HSDL2: variants seen among roughly 807,000 people sequenced by gnomAD.
HSDL2 encodes hydroxysteroid dehydrogenase like 2, also known as hydroxysteroid dehydrogenase-like protein 2.
In HSDL2, 27 loss-of-function variants were observed where a neutral mutation model predicts 46.3. That is an observed-to-expected ratio of 0.58 (90% CI 0.43 to 0.80). The LOEUF (loss-of-function observed/expected upper bound fraction) is 0.80. HSDL2 is among the 30% of genes least tolerant of loss of function. The probability of loss-of-function intolerance (pLI) is 0.00; values close to 1 mark genes in which losing one functional copy is unlikely to be tolerated. For missense variants in HSDL2, 451 were observed against 502.7 expected (o/e 0.90, Z 0.98); for synonymous variants, 153 against 163.6 (o/e 0.94, Z 0.50).
At chr9:112,414,169 A>T (rs1355563607) in intron 4 of HSDL2, 2 of 153,668 alleles carry the variant, frequency 1.3e-5, no homozygotes, top group Admixed American at 6.5e-5. Flanking sequence ...TGATTTCTTT[A>T]TCATGGCTAG....
intron 10 of HSDL2, among the ~76,000 whole-genome samples, chr9:112,461,227 G>T (rs1467455221): frequency 6.6e-6 from 1 of 151,860 alleles, no homozygotes. Flanking sequence ...ACAGGTGCCC[G>T]CCACCATGCC....
chr9:112,413,623 ATTGT>A (rs1831928456), intron 4 of HSDL2, among the ~76,000 whole-genome samples: 1 of 151,776 alleles, frequency 6.6e-6, no homozygotes, highest in Non-Finnish European at 1.5e-5. Flanking sequence ...CCAGTATTAC[ATTGT>A]TTGTATCATG....
chr9:112,442,649 G>T (rs955048552), intron 8 of HSDL2, among the ~76,000 whole-genome samples: 15 of 152,214 alleles, frequency 9.9e-5, no homozygotes, highest in Middle Eastern at 3.4e-3. Flanking sequence ...GAATACCTGT[G>T]GGAAGAATTT....
intron 1 of HSDL2, among the ~76,000 whole-genome samples, chr9:112,394,181 TG>T (rs1831409016): frequency 1.3e-5 from 2 of 152,014 alleles, no homozygotes; most frequent in African/African-American, 4.8e-5. Context: ...GGGGTGGTAG[TG>T]GGGACAACAG....
intron 4 of HSDL2, among the ~76,000 whole-genome samples, chr9:112,415,654 G>A (rs939271272): frequency 1.3e-5 from 2 of 152,162 alleles, no homozygotes; most frequent in African/African-American, 2.4e-5. Flanking sequence ...CCTCAGTTGG[G>A]CTTAAGGCTA....
intron 1 of HSDL2, among the ~76,000 whole-genome samples, chr9:112,399,068 A>AAAAG (rs60489761): frequency 0.48 from 72,168 of 151,596 alleles, 17,535 homozygotes; most frequent in Admixed American, 0.55. Flanking sequence ...GCACTTAGGA[A>AAAAG]AAAGCCACTT....
At chr9:112,464,502 A>AAATT (rs1214264619) in intron 10 of HSDL2, among the ~76,000 whole-genome samples, 1 of 152,146 alleles carries the variant, frequency 6.6e-6, no homozygotes, top group Admixed American at 6.5e-5. Context: ...TTGTGAAATG[A>AAATT]AATTATTGTC....
intron 5 of HSDL2, 140 bp downstream of exon 5, chr9:112,417,084 G>A: frequency 4.5e-6 from 2 of 446,024 alleles, no homozygotes; most frequent in Middle Eastern, 3.6e-4. Context: ...AGTGGCATTT[G>A]GAAAGTAGAT....
At chr9:112,431,566 T>C (rs1832402993) in intron 6 of HSDL2, among the ~76,000 whole-genome samples, 1 of 152,118 alleles carries the variant, frequency 6.6e-6, no homozygotes, top group Non-Finnish European at 1.5e-5. Context: ...TGGGGTCTGG[T>C]GGGAGGTGAT....
At chr9:112,394,220 G>A (rs980911578) in intron 1 of HSDL2, among the ~76,000 whole-genome samples, 3 of 152,080 alleles carry the variant, frequency 2.0e-5, no homozygotes, top group African/African-American at 4.8e-5. Context: ...TCCCATACTC[G>A]CAGTCCGGAC....
intron 6 of HSDL2, among the ~76,000 whole-genome samples, chr9:112,426,677 G>A (rs1270757181): frequency 6.6e-6 from 1 of 152,062 alleles, no homozygotes; most frequent in Non-Finnish European, 1.5e-5. Context: ...ACTGAATATT[G>A]ACAAGTGTCT....
At chr9:112,407,683 C>T (rs926390144) in intron 3 of HSDL2, among the ~76,000 whole-genome samples, 7 of 152,202 alleles carry the variant, frequency 4.6e-5, no homozygotes, top group African/African-American at 1.7e-4. Flanking sequence ...TCTCAAAGTG[C>T]TGGGGTTACA....
chr9:112,422,614 C>T (rs781499315), intron 6 of HSDL2, among the ~76,000 whole-genome samples: 6 of 152,046 alleles, frequency 3.9e-5, no homozygotes, highest in South Asian at 2.1e-4. Flanking sequence ...AAGACACATC[C>T]GGGGAACTTC....
intron 6 of HSDL2, 144 bp downstream of exon 6, chr9:112,419,102 G>C (rs1038498189): frequency 1.7e-5 from 7 of 419,084 alleles, no homozygotes; most frequent in Non-Finnish European, 2.8e-5. Flanking sequence ...TCTGCCTCCT[G>C]GGTTCAAGCA....
At chr9:112,392,884 G>C (rs1831378435) in intron 1 of HSDL2, among the ~76,000 whole-genome samples, 1 of 152,160 alleles carries the variant, frequency 6.6e-6, no homozygotes. Context: ...AATTATAAAA[G>C]TATTATTTGG....
chr9:112,399,942 C>T (rs912227626), intron 1 of HSDL2, among the ~76,000 whole-genome samples: 10 of 152,174 alleles, frequency 6.6e-5, no homozygotes, highest in Non-Finnish European at 1.0e-4. Context: ...ACATCCTCAG[C>T]TTACGAAGAT....
chr9:112,414,614 A>G (rs1314388602), intron 4 of HSDL2, among the ~76,000 whole-genome samples: 1 of 152,180 alleles, frequency 6.6e-6, no homozygotes, highest in Non-Finnish European at 1.5e-5. Flanking sequence ...CCATGTTTAG[A>G]ATGTAAATGA....
At chr9:112,389,830 C>T (rs1377656991) in intron 1 of HSDL2, among the ~76,000 whole-genome samples, 3 of 152,064 alleles carry the variant, frequency 2.0e-5, no homozygotes, top group South Asian at 2.1e-4. Flanking sequence ...TTTGGGAAGC[C>T]GAGGCCGGTG....
intron 4 of HSDL2, among the ~76,000 whole-genome samples, chr9:112,415,893 A>T (rs974013017): frequency 6.6e-6 from 1 of 152,150 alleles, no homozygotes; most frequent in Non-Finnish European, 1.5e-5. Flanking sequence ...GTGGATCACG[A>T]GGTCAGGAGT....
Sources: allele counts gnomAD v4.1 joint callset (sites outside exome capture counted in the v4.1 genomes callset), GRCh38; gene constraint gnomAD v4.1.1; transcripts MANE v1.5; gene names NCBI Gene and HGNC (gene_info 2026-07-23, HGNC 2026-07-21).